Variants in TENM2 observed in about 807,000 individuals in gnomAD.
TENM2 encodes teneurin-2.
In TENM2, 52 loss-of-function variants were observed where a neutral mutation model predicts 245.2. The ratio of observed to expected loss-of-function variants is 0.21; its 90% CI spans 0.17 to 0.27. TENM2 has a LOEUF of 0.27. Among genes scored for constraint, TENM2 ranks in the 10% least tolerant of loss-of-function variants. TENM2 has a pLI of 1.00. For missense variants in TENM2, 3,046 were observed against 3,666.8 expected (o/e 0.83, Z 4.37); for synonymous variants, 1,363 against 1,438.9 (o/e 0.95, Z 1.19).
At chr5:167,091,041 G>C in the TENM2 span, among the ~76,000 whole-genome samples, 2 of 152,142 alleles carry the variant, frequency 1.3e-5, no homozygotes, top group African/African-American at 4.8e-5. Flanking sequence ...GCACATGCCT[G>C]GCTGTATGTG....
chr5:167,199,097 T>TAAAAAAAAAAAA, the TENM2 span, among the ~76,000 whole-genome samples: 1 of 79,328 alleles, frequency 1.3e-5, no homozygotes, highest in Non-Finnish European at 2.6e-5. Context: ...TGATATGAAG[T>TAAAAAAAAAAAA]AAAAAAAAAA....
intron 1 of TENM2, among the ~76,000 whole-genome samples, chr5:167,337,032 G>A (rs1757807213): frequency 6.8e-6 from 1 of 147,300 alleles, no homozygotes; most frequent in Non-Finnish European, 1.5e-5. Context: ...CAGGAGAATG[G>A]CGTGAACCCG....
Position 168,203,840 on chromosome 5 carries a change from A to G in TENM2, c.3574+8A>G. The G allele has an allele frequency of 6.3e-7, 1 of 1,597,484 alleles. No homozygotes were observed. Among genetic ancestry groups the G allele is most frequent in the Non-Finnish European group, 8.6e-7 (1 of 1,167,802 alleles). On this transcript the variant is annotated splice_region_variant and intron_variant, in intron 18 of 28. Coordinates refer to ENST00000518659, the Ensembl canonical transcript of TENM2. Reference sequence around the variant, plus strand: ...TCCTCAATGTTAAAAGTGGTACGTGAACACATCTTCTTTCCCAAATACAGC... The same window carrying G: ...TCCTCAATGTTAAAAGTGGTACGTGGACACATCTTCTTTCCCAAATACAGC...
chr5:167,145,793 G>A, the TENM2 span, among the ~76,000 whole-genome samples: 11 of 152,240 alleles, frequency 7.2e-5, no homozygotes, highest in East Asian at 2.1e-3. Context: ...GAGAACGATA[G>A]CAGTTTGAAT....
intron 1 of TENM2, among the ~76,000 whole-genome samples, chr5:167,328,543 C>T (rs1040529078): frequency 2.0e-5 from 3 of 152,282 alleles, no homozygotes; most frequent in African/African-American, 7.2e-5. Context: ...AAAAGCTCTT[C>T]CCGCTTATTA....
chr5:167,138,072 G>T, the TENM2 span, among the ~76,000 whole-genome samples: 1 of 152,144 alleles, frequency 6.6e-6, no homozygotes, highest in Admixed American at 6.5e-5. Flanking sequence ...AGTCAATGTT[G>T]CTTGAAAGGT....
chr5:167,863,142 G>A (rs368750650), intron 2 of TENM2, among the ~76,000 whole-genome samples: 1 of 152,198 alleles, frequency 6.6e-6, no homozygotes, highest in African/African-American at 2.4e-5. Context: ...AAAATAGGGA[G>A]AATAATAGTA....
chr5:168,259,741 C>A (rs1241383797), intron 27 of TENM2, among the ~76,000 whole-genome samples: 3 of 152,220 alleles, frequency 2.0e-5, no homozygotes, highest in Non-Finnish European at 4.4e-5. Flanking sequence ...CAGTAAGAAT[C>A]ATCACTTATC....
At chr5:168,009,852 A>G (rs2152071745) in intron 5 of TENM2, among the ~76,000 whole-genome samples, 1 of 152,328 alleles carries the variant, frequency 6.6e-6, no homozygotes, top group East Asian at 1.9e-4. Context: ...GAAGCCAGAC[A>G]TCCCATTTCT....
At chr5:168,032,932 G>A (rs1161660015) in intron 5 of TENM2, among the ~76,000 whole-genome samples, 1 of 152,168 alleles carries the variant, frequency 6.6e-6, no homozygotes, top group Non-Finnish European at 1.5e-5. Flanking sequence ...TGTGTAGCAT[G>A]TGGACACACT....
In TENM2 at chr5:167,377,239, G is replaced by A. The variant is rs538556422; in HGVS notation, c.502+1766G>A. ...TTTTTTTCATATTATTTGAAACATC[G>A]TATTTGAATAATTTTTACTTTCTGC... On this transcript the variant is annotated intron_variant, in intron 2 of 28. Transcript: ENST00000518659. Among the ~76,000 whole-genome samples, 15 of 152,122 alleles carry A rather than the reference G, an allele frequency of 9.9e-5. No homozygotes were observed. The South Asian group carries it at 3.1e-3, about 32-fold the overall frequency.
chr5:167,753,782 G>A (rs1437323006), intron 2 of TENM2, among the ~76,000 whole-genome samples: 4 of 152,084 alleles, frequency 2.6e-5, no homozygotes, highest in Non-Finnish European at 4.4e-5. Flanking sequence ...TTTCTGCCCC[G>A]GGTTTCCAGA....
intron 2 of TENM2, among the ~76,000 whole-genome samples, chr5:167,570,404 C>G (rs1334264941): frequency 1.3e-5 from 1 of 79,296 alleles, no homozygotes; most frequent in African/African-American, 4.0e-5. Flanking sequence ...AAAAAAAAAC[C>G]TCTTAAAACG....
intron 1 of TENM2, among the ~76,000 whole-genome samples, chr5:167,315,437 T>G (rs78018152): frequency 6.6e-6 from 1 of 152,210 alleles, no homozygotes; most frequent in East Asian, 1.9e-4. Flanking sequence ...AGTGGTCATA[T>G]GCAAGGTGCC....
chr5:167,991,573 C>T (rs912379731), intron 4 of TENM2, among the ~76,000 whole-genome samples: 5 of 152,168 alleles, frequency 3.3e-5, no homozygotes, highest in African/African-American at 1.2e-4. Flanking sequence ...TTAAAGTGCC[C>T]TTGGAGCGAC....
intron 12 of TENM2, among the ~76,000 whole-genome samples, chr5:168,135,165 A>G (rs1293757761): frequency 1.3e-5 from 2 of 152,146 alleles, no homozygotes; most frequent in African/African-American, 2.4e-5. Context: ...TAAACTTCAC[A>G]GTTACCCTCA....
chr5:167,987,564 G>T (rs571783965), intron 4 of TENM2, among the ~76,000 whole-genome samples: 1 of 151,712 alleles, frequency 6.6e-6, no homozygotes, highest in Non-Finnish European at 1.5e-5. Context: ...CAAATGATTC[G>T]CCTGCCTCGG....
At chr5:167,707,747 C>T (rs974371371) in intron 2 of TENM2, among the ~76,000 whole-genome samples, 2 of 152,212 alleles carry the variant, frequency 1.3e-5, no homozygotes, top group African/African-American at 4.8e-5. Context: ...GCTGTGGTCT[C>T]AGATCCCGAA....
At chr5:167,067,127 A>T in the TENM2 span, among the ~76,000 whole-genome samples, 1 of 152,316 alleles carries the variant, frequency 6.6e-6, no homozygotes, top group Non-Finnish European at 1.5e-5. Context: ...TCTGTATAAA[A>T]TTGGTCTCGT....
Sources: allele counts gnomAD v4.1 joint callset (sites outside exome capture counted in the v4.1 genomes callset), GRCh38; gene constraint gnomAD v4.1.1; transcripts MANE v1.5; gene names NCBI Gene and HGNC (gene_info 2026-07-23, HGNC 2026-07-21).